The following GLIS3 variants were observed in gnomAD, a reference collection of about 807,000 sequenced individuals.
GLIS3 encodes zinc finger protein GLIS3.
A neutral mutation model predicts 78.6 loss-of-function variants in GLIS3; 53 were observed. The observed-to-expected ratio is 0.67, with a 90% CI of 0.54 to 0.85. The LOEUF is 0.85. Ranked by LOEUF, GLIS3 falls within the 40% of genes least tolerant of loss-of-function variation. GLIS3 has a pLI of 0.00. For synonymous variants in GLIS3, 684 were observed against 509.9 expected (o/e 1.34, Z -4.60); for missense variants, 1,703 against 1,231.1 (o/e 1.38, Z -5.74).
intron 4 of GLIS3, among the ~76,000 whole-genome samples, chr9:4,075,224 C>A (rs1156729874): frequency 6.6e-6 from 1 of 151,986 alleles, no homozygotes; most frequent in Non-Finnish European, 1.5e-5. Flanking sequence ...TAAATATGTG[C>A]AACTTTTATC....
At chr9:4,472,783 T>C in the GLIS3 span, among the ~76,000 whole-genome samples, 4 of 152,114 alleles carry the variant, frequency 2.6e-5, no homozygotes, top group Non-Finnish European at 4.4e-5. Flanking sequence ...ATTGTCGTCA[T>C]TTACAGATAA....
At chr9:4,158,469 T>G (rs1464897377) in intron 2 of GLIS3, among the ~76,000 whole-genome samples, 1 of 152,202 alleles carries the variant, frequency 6.6e-6, no homozygotes, top group Non-Finnish European at 1.5e-5. Context: ...TTCATTTACC[T>G]AAGCAGAAGT....
chr9:4,038,518 C>T (rs563763374), intron 4 of GLIS3, among the ~76,000 whole-genome samples: 2 of 152,274 alleles, frequency 1.3e-5, no homozygotes, highest in African/African-American at 4.8e-5. Context: ...AAGGTGAAAT[C>T]CAATACACTT....
At chr9:3,848,100 G>T (rs1326218724) in intron 9 of GLIS3, among the ~76,000 whole-genome samples, 2 of 152,168 alleles carry the variant, frequency 1.3e-5, no homozygotes, top group South Asian at 2.1e-4. Flanking sequence ...TAAGTTCTAA[G>T]CAATACAATT....
intron 4 of GLIS3, among the ~76,000 whole-genome samples, chr9:4,037,829 C>G (rs1824462681): frequency 1.3e-5 from 2 of 152,000 alleles, no homozygotes; most frequent in African/African-American, 2.4e-5. Context: ...TTTAAATACA[C>G]CATTTTATTT....
At chr9:3,882,200 A>T (rs1207037795) in intron 7 of GLIS3, among the ~76,000 whole-genome samples, 1 of 146,422 alleles carries the variant, frequency 6.8e-6, no homozygotes, top group African/African-American at 2.6e-5. Flanking sequence ...TCATTGAGTA[A>T]ACAAAGATGA....
At chr9:4,298,922 TGAAAA>T (rs1816858774) in intron 1 of GLIS3, among the ~76,000 whole-genome samples, 1 of 152,096 alleles carries the variant, frequency 6.6e-6, no homozygotes, top group Non-Finnish European at 1.5e-5. Flanking sequence ...ACGTGGAACT[TGAAAA>T]GACAACTACA....
the GLIS3 span, among the ~76,000 whole-genome samples, chr9:4,456,692 G>C: frequency 6.6e-6 from 1 of 152,078 alleles, no homozygotes; most frequent in Non-Finnish European, 1.5e-5. Flanking sequence ...CCTTTCATTT[G>C]AATACTTAGA....
intron 8 of GLIS3, among the ~76,000 whole-genome samples, chr9:3,870,327 AT>A (rs1428943777): frequency 6.6e-6 from 1 of 152,246 alleles, no homozygotes; most frequent in Non-Finnish European, 1.5e-5. Context: ...ATACATGGAA[AT>A]TAACATGCTC....
the GLIS3 span, among the ~76,000 whole-genome samples, chr9:4,378,107 A>C: frequency 0.02 from 3,074 of 152,252 alleles, 124 homozygotes; most frequent in African/African-American, 0.071. Context: ...TGGAGATAGT[A>C]AAGTAATATA....
the GLIS3 span, among the ~76,000 whole-genome samples, chr9:4,358,711 C>T: frequency 1.2e-4 from 19 of 152,220 alleles, no homozygotes; most frequent in South Asian, 3.1e-3. Flanking sequence ...AATGGGCACA[C>T]GTGTGTATGT....
rs773793514 is a variant in GLIS3 at position 3,895,063 on chromosome 9, T to C, written c.2128+3628A>G. Among the ~76,000 whole-genome samples the C allele has an allele frequency of 7.9e-5, 12 of 152,334 alleles. No individual in the cohort carries two copies. The Middle Eastern group carries it at 0.014, about 173-fold the overall frequency. On this transcript the variant is annotated intron_variant, in intron 7 of 10. Coordinates refer to ENST00000381971, the MANE Select transcript of GLIS3 (RefSeq NM_001042413.2). The stretch of plus-strand genomic sequence containing the variant: ...GGGACAGATCATCTTCCATACAGCA[T>C]TCACTGTTAATAAATGGACTCCCTG...
At chr9:3,852,817 A>G (rs1173944659) in intron 9 of GLIS3, among the ~76,000 whole-genome samples, 9 of 152,224 alleles carry the variant, frequency 5.9e-5, no homozygotes, top group Non-Finnish European at 1.3e-4. Context: ...GGAGAAAGTC[A>G]TAATTTCTCA....
chr9:4,283,473 C>G (rs140830720), intron 2 of GLIS3, among the ~76,000 whole-genome samples: 5 of 152,092 alleles, frequency 3.3e-5, no homozygotes, highest in Non-Finnish European at 5.9e-5. Flanking sequence ...ACCATCTTGG[C>G]CAGGCTGGCT....
At chr9:3,831,068 G>A (rs1017193608) in intron 9 of GLIS3, among the ~76,000 whole-genome samples, 2 of 152,118 alleles carry the variant, frequency 1.3e-5, no homozygotes, top group Non-Finnish European at 2.9e-5. Flanking sequence ...GCAGATTTAT[G>A]GACAGGGCAT....
intron 2 of GLIS3, among the ~76,000 whole-genome samples, chr9:4,319,038 G>T (rs923965544): frequency 6.6e-6 from 1 of 152,180 alleles, no homozygotes; most frequent in African/African-American, 2.4e-5. Flanking sequence ...CTGTAAAACA[G>T]CTGGCCTGTA....
At chr9:4,487,518 ATACTT>A in the GLIS3 span, among the ~76,000 whole-genome samples, 1 of 152,118 alleles carries the variant, frequency 6.6e-6, no homozygotes, top group Non-Finnish European at 1.5e-5. Flanking sequence ...TTAAGCCTAA[ATACTT>A]TACCCCGAGA....
At chr9:3,837,797 C>G (rs1598307) in intron 9 of GLIS3, among the ~76,000 whole-genome samples, 1 of 152,030 alleles carries the variant, frequency 6.6e-6, no homozygotes, top group Non-Finnish European at 1.5e-5. Flanking sequence ...ACAGAGGTAG[C>G]GAAGCTATTC....
At chr9:3,859,678 G>A (rs1394052208) in intron 8 of GLIS3, among the ~76,000 whole-genome samples, 2 of 152,160 alleles carry the variant, frequency 1.3e-5, no homozygotes, top group Non-Finnish European at 2.9e-5. Context: ...GTCCAACCCT[G>A]TTCTCTAGCT....
Sources: allele counts gnomAD v4.1 joint callset (sites outside exome capture counted in the v4.1 genomes callset), GRCh38; gene constraint gnomAD v4.1.1; transcripts MANE v1.5; gene names NCBI Gene and HGNC (gene_info 2026-07-23, HGNC 2026-07-21).